The following TCOF1 variants were observed in gnomAD, a reference collection of about 807,000 sequenced individuals.
TCOF1 encodes the protein treacle ribosome biogenesis factor 1.
In TCOF1, 33 loss-of-function variants were observed where a neutral mutation model predicts 149.0. The ratio of observed to expected loss-of-function variants is 0.22; its 90% CI spans 0.17 to 0.30. TCOF1 has a LOEUF of 0.30. Among genes scored for constraint, TCOF1 ranks in the 10% least tolerant of loss-of-function variants. The pLI is 1.00. For missense variants in TCOF1, 1,728 were observed against 1,840.7 expected, an observed-to-expected ratio of 0.94 and a Z score of 1.12; for synonymous variants, 789 against 738.8, an observed-to-expected ratio of 1.07 and a Z score of -1.10.
chr5:150,398,960 G>A, intron 25 of TCOF1, 62 bp from the exon 26 acceptor site: 2 of 1,612,422 alleles, frequency 1.2e-6, no homozygotes, highest in Non-Finnish European at 1.7e-6. Flanking sequence ...CAGGAGGTGG[G>A]GGCAGCAGTG....
intron 14 of TCOF1, chr5:150,378,590 T>C: frequency 5.2e-6 from 2 of 386,944 alleles, no homozygotes; most frequent in Admixed American, 4.2e-5. Context: ...TTTTAGGTAG[T>C]CTTGTGCTTA....
chr5:150,376,021 G>T, intron 12 of TCOF1, 61 bp from the exon 13 acceptor site: 2 of 1,613,332 alleles, frequency 1.2e-6, no homozygotes, highest in Middle Eastern at 3.3e-4. Context: ...TGGTGGGGCA[G>T]AACAGATGGG....
At chr5:150,370,818 T>G (rs142025174) in intron 6 of TCOF1, among the ~76,000 whole-genome samples, 146 of 152,192 alleles carry the variant, frequency 9.6e-4, no homozygotes, top group African/African-American at 3.2e-3. Context: ...TGTTATTTTT[T>G]AAAAAAACAA....
chr5:150,367,032 G>A (rs1761508984), intron 3 of TCOF1, among the ~76,000 whole-genome samples: 1 of 151,940 alleles, frequency 6.6e-6, no homozygotes, highest in Non-Finnish European at 1.5e-5. Context: ...GAAGCTGGGT[G>A]CGGTGGCTCA....
At chr5:150,376,003 G>A (rs965288477) in intron 12 of TCOF1, 79 bp from the exon 13 acceptor site, 2 of 1,613,682 alleles carry the variant, frequency 1.2e-6, no homozygotes, top group Non-Finnish European at 1.7e-6. Flanking sequence ...CAGAGCATGG[G>A]TTTTGGCTGG....
Position 150,369,632 on chromosome 5 carries a change from C to A in TCOF1, c.639+30C>A, listed in dbSNP as rs778688122. ...TTGCCACCCATCCCTAGGAGTTGCCCTCTCCCAGCCTCTAACCCTTCCAGG... is the reference window on the plus strand; with the variant it reads ...TTGCCACCCATCCCTAGGAGTTGCCATCTCCCAGCCTCTAACCCTTCCAGG... On this transcript the variant is annotated intron_variant, in intron 6 of 26. Transcript: ENST00000643257. 3.1e-6 allele frequency: 5 copies of A among 1,611,432 alleles called. No individual in the cohort carries two copies. The Admixed American group carries it at 8.4e-5, about 27-fold the overall frequency.
Position 150,389,862 on chromosome 5 carries a change from G to A in TCOF1, c.3047-25G>A, listed in dbSNP as rs112925396. ...GGCGATGGGGCTTTTGTGCCCTGAT[G>A]TGCCCCCATCTCGCTCCATTTCAGG... On this transcript the variant is annotated intron_variant, in intron 18 of 26. Transcript: ENST00000643257. The A allele has an allele frequency of 1.2e-5, 19 of 1,614,132 alleles. No individual in the cohort carries two copies. In the African/African-American group the frequency reaches 1.2e-4, roughly 10 times the overall value.
intron 17 of TCOF1, among the ~76,000 whole-genome samples, chr5:150,385,872 T>C (rs1464777972): frequency 6.6e-6 from 1 of 152,150 alleles, no homozygotes; most frequent in Non-Finnish European, 1.5e-5. Context: ...TCCCATCAGT[T>C]TTTTTTCTAA....
rs553373530 is a variant in TCOF1 at position 150,398,465 on chromosome 5, G to A, written c.4443+14G>A. 10 of 1,614,076 alleles carry A rather than the reference G, an allele frequency of 6.2e-6. No homozygotes were observed. In the Admixed American group the frequency reaches 1.5e-4, roughly 24 times the overall value. ...AAGAAGAAAAAGGTAGAGAGTTCCT[G>A]GGGTGTCTCAGGCCAGAAAACAGAC... On this transcript the variant is annotated intron_variant, in intron 25 of 26. Transcript: ENST00000643257.
At chr5:150,398,525 G>C in intron 25 of TCOF1, 74 bp downstream of exon 25, 1 of 1,605,986 alleles carries the variant, frequency 6.2e-7, no homozygotes. Flanking sequence ...ACCCAGACCT[G>C]GTTCCTGCCC....
At chr5:150,366,641 T>TAACAAAAAGAAATCTGAGA (rs1297750994) in intron 3 of TCOF1, among the ~76,000 whole-genome samples, 3 of 60,818 alleles carry the variant, frequency 4.9e-5, no homozygotes, top group Admixed American at 1.2e-4. Flanking sequence ...ACATTCTTCT[T>TAACAAAAAGAAATCTGAGA]TTTTTTTTTT....
In TCOF1 at chr5:150,391,949, C is replaced by T. The variant is rs749025791; in HGVS notation, c.3298-8C>T. ...TTCCTTCCATTCCTTCTCCTTTCACCGAATTAGGTTGACAGTGCTGTGGGA... is the reference window on the plus strand; with the variant it reads ...TTCCTTCCATTCCTTCTCCTTTCACTGAATTAGGTTGACAGTGCTGTGGGA... On this transcript the variant is annotated splice_polypyrimidine_tract_variant and splice_region_variant and intron_variant, in intron 20 of 26. Transcript: ENST00000643257. The T allele has an allele frequency of 3.0e-5, 49 of 1,613,848 alleles. No homozygotes were observed. Among genetic ancestry groups the T allele is most frequent in the Non-Finnish European group, 3.7e-5 (44 of 1,179,942 alleles).
At chr5:150,396,226 A>C in intron 23 of TCOF1, 56 bp from the exon 24 acceptor site, 1 of 1,591,782 alleles carries the variant, frequency 6.3e-7, no homozygotes, top group Non-Finnish European at 8.6e-7. Context: ...CTTAGGTACC[A>C]TAAGATCTGT....
rs537222688 is a variant in TCOF1 at position 150,378,368 on chromosome 5, G to A, written c.2341-537G>A. 4.6e-5 allele frequency among the ~76,000 whole-genome samples: 7 copies of A among 152,190 alleles called. No homozygotes were observed. The East Asian group carries it at 7.7e-4, about 17-fold the overall frequency. On this transcript the variant is annotated intron_variant, in intron 14 of 26. Coordinates refer to ENST00000643257, the MANE Select transcript of TCOF1 (RefSeq NM_001371623.1). ...GCCTTTTGGGGGTTCTCTGGATATC[G>A]GTTAAGGCTAGATTAAGCTGAAGAA...
rs576007637 is a variant in TCOF1, at chr5:150,394,365, C to T, written c.3784+813C>T. On this transcript the variant is annotated intron_variant, in intron 23 of 26. Coordinates refer to ENST00000643257, the MANE Select transcript of TCOF1 (RefSeq NM_001371623.1). Reference sequence around the variant, plus strand: ...ACTCATTGTAAAGCCTTGGAAATCCCCTGGCCACTCTGGACCTCTGTGTCT... The same window carrying T: ...ACTCATTGTAAAGCCTTGGAAATCCTCTGGCCACTCTGGACCTCTGTGTCT... 3.3e-5 allele frequency: 5 copies of T among 152,798 alleles called. No individual in the cohort carries two copies. In the East Asian group the frequency reaches 9.6e-4, roughly 29 times the overall value. The allele number at this position is 152,798 out of a possible 1,614,324, so 9.5% of individuals were successfully genotyped here. A position where few individuals can be genotyped will look rare whatever the true frequency, so the allele number is the denominator to read the frequency against.
chr5:150,357,798 C>T lies in TCOF1; in HGVS notation c.52C>T (p.Leu18=). The T allele has an allele frequency of 6.5e-7, 1 of 1,549,868 alleles. No homozygotes were observed. The highest frequency in any genetic ancestry group is 1.2e-5 in the South Asian group (1 of 84,058). ...GCTACTTCCCCTGATCTACCACCATCTGCTGCGGGCTGGCTATGTGCGTGC... is the reference window on the plus strand; with the variant it reads ...GCTACTTCCCCTGATCTACCACCATTTGCTGCGGGCTGGCTATGTGCGTGC... The part of the protein sequence containing the change: ...RELLPLIYHH[L]LRAGYVRAAR... Residue 18 remains leucine (L), a synonymous_variant, in exon 1 of 27, where the codon CTG becomes TTG. Coordinates refer to ENST00000643257, the MANE Select transcript of TCOF1 (RefSeq NM_001371623.1).
chr5:150,357,942 G>T (rs1430817193), intron 1 of TCOF1, 88 bp downstream of exon 1: 1 of 1,424,360 alleles, frequency 7.0e-7, no homozygotes, highest in East Asian at 2.5e-5. Context: ...CAGGCGACCC[G>T]GCAGGCGCCC....
Position 150,387,887 on chromosome 5 carries a change from T to A in TCOF1, c.2860-15T>A, listed in dbSNP as rs767793168. On this transcript the variant is annotated splice_polypyrimidine_tract_variant and intron_variant, in intron 17 of 26. Transcript: ENST00000643257. ...CTTTAATCACTGGGGGGGTGTTTTG[T>A]TTTTGTTTTTCAAGGTGATTAAACC... 6.2e-7 allele frequency: 1 copy of A among 1,613,566 alleles called. No individual in the cohort carries two copies.
Position 150,396,641 on chromosome 5 carries a change from A to G in TCOF1, c.4144A>G (p.Lys1382Glu). 6.2e-7 allele frequency: 1 copy of G among 1,605,662 alleles called. No homozygotes were observed. The highest frequency in any genetic ancestry group is 8.5e-7 in the Non-Finnish European group (1 of 1,175,736). ...TGGGGAGGCCTCTGTTTCCCCAGAA[A>G]AGACCTCCACGACTTCCAAGGGGAA... is the stretch of plus-strand genomic sequence containing the variant. ...EGGEASVSPEKTSTTSKGKAK... is the reference protein window; with the variant it reads ...EGGEASVSPEETSTTSKGKAK... Residue 1382 changes from lysine to glutamate, a missense_variant, in exon 24 of 27, where the codon AAG (lysine) becomes GAG (glutamate). By Grantham distance (56) the Lys-to-Glu change is moderately conservative. Coordinates refer to ENST00000643257, the MANE Select transcript of TCOF1 (RefSeq NM_001371623.1).
Sources: allele counts gnomAD v4.1 joint callset (sites outside exome capture counted in the v4.1 genomes callset), GRCh38; gene constraint gnomAD v4.1.1; transcripts MANE v1.5; gene names NCBI Gene and HGNC (gene_info 2026-07-23, HGNC 2026-07-21).